PDK3: variants seen among roughly 807,000 people sequenced by gnomAD.
PDK3 encodes pyruvate dehydrogenase kinase 3, also known as pyruvate dehydrogenase kinase, isozyme 3.
Under a neutral mutation model 32.0 loss-of-function variants are expected in PDK3, and 12 were observed. The ratio of observed to expected loss-of-function variants is 0.37; its 90% CI spans 0.24 to 0.61. PDK3 has a LOEUF of 0.61. Ranked by LOEUF, PDK3 falls within the 20% of genes least tolerant of loss-of-function variation. The pLI, the probability that PDK3 is intolerant of heterozygous loss-of-function variation, is 0.65. For synonymous variants in PDK3, 122 were observed against 116.3 expected, an observed-to-expected ratio of 1.05 and a Z score of -0.31; for missense variants, 188 against 316.9, an observed-to-expected ratio of 0.59 and a Z score of 3.09.
intron 9 of PDK3, among the ~76,000 whole-genome samples, chrX:24,529,758 CA>C (rs535951847): frequency 1.2e-3 from 60 of 50,495 alleles, no homozygotes; most frequent in Middle Eastern, 0.02. Context: ...GGCTCTGCCT[CA>C]AAAAAAAAAA....
chrX:24,546,718 T>A (rs1050789092), exon 12 of PDK3: 2 of 111,633 alleles, frequency 1.8e-5, no homozygotes, highest in Non-Finnish European at 3.8e-5. Context: ...TGGTCATCCC[T>A]GGGGGTAGAG....
intron 10 of PDK3, 52 bp downstream of exon 10, chrX:24,531,822 A>C (rs929881267): frequency 8.0e-6 from 5 of 628,331 alleles, no homozygotes; most frequent in Non-Finnish European, 1.1e-5. Context: ...TAAAGCTGTA[A>C]GTTCTAATCG....
chrX:24,483,874 C>T (rs1053348689), intron 1 of PDK3, among the ~76,000 whole-genome samples: 21 of 110,781 alleles, frequency 1.9e-4, no homozygotes, highest in Non-Finnish European at 3.0e-4. Flanking sequence ...CTGCCACATC[C>T]GGCTAATTTG....
chrX:24,467,929 G>A (rs1940078024), intron 1 of PDK3, among the ~76,000 whole-genome samples: 1 of 111,635 alleles, frequency 9.0e-6, no homozygotes, highest in South Asian at 3.7e-4. Flanking sequence ...CAGCTGATTG[G>A]CACCAATTCA....
exon 12 of PDK3, chrX:24,549,937 T>C (rs1923067599): frequency 8.9e-6 from 1 of 112,403 alleles, no homozygotes; most frequent in Non-Finnish European, 1.9e-5. Context: ...GATGCTGCAA[T>C]GAAATGTAAA....
exon 12 of PDK3, among the ~76,000 whole-genome samples, chrX:24,539,993 G>A (rs1350071958): frequency 1.8e-5 from 2 of 111,726 alleles, no homozygotes; most frequent in Non-Finnish European, 3.8e-5. Flanking sequence ...TTCCTTTGTA[G>A]TCTTCTAAGG....
intron 1 of PDK3, among the ~76,000 whole-genome samples, chrX:24,485,657 A>G (rs918782733): frequency 2.7e-5 from 3 of 111,983 alleles, no homozygotes; most frequent in Non-Finnish European, 5.6e-5. Context: ...AGTTATCCCT[A>G]TCGGCAAGGT....
At chrX:24,482,571 T>C (rs1383033583) in intron 1 of PDK3, among the ~76,000 whole-genome samples, 1 of 112,083 alleles carries the variant, frequency 8.9e-6, no homozygotes, top group Non-Finnish European at 1.9e-5. Context: ...ATAGCAAATA[T>C]AGTCTCTATT....
At chrX:24,476,500 G>T (rs760206248) in intron 1 of PDK3, among the ~76,000 whole-genome samples, 13 of 111,360 alleles carry the variant, frequency 1.2e-4, no homozygotes, top group African/African-American at 4.2e-4. Flanking sequence ...TGATATCCAA[G>T]GGTGTCCAGG....
intron 6 of PDK3, among the ~76,000 whole-genome samples, chrX:24,525,502 T>C (rs1272245577): frequency 8.9e-6 from 1 of 112,344 alleles, no homozygotes; most frequent in Non-Finnish European, 1.9e-5. Context: ...TCATGTAGTT[T>C]CAATCTCTTA....
exon 12 of PDK3, chrX:24,549,161 A>T (rs1357903538): frequency 9.0e-6 from 1 of 111,541 alleles, no homozygotes; most frequent in Non-Finnish European, 1.9e-5. Context: ...ACTGCCTGCC[A>T]CCGAAGAGGG....
chrX:24,479,740 G>A (rs10127177), intron 1 of PDK3, among the ~76,000 whole-genome samples: 108 of 110,109 alleles, frequency 9.8e-4, no homozygotes, highest in African/African-American at 1.6e-3. Flanking sequence ...AACCGAGGTC[G>A]CGCCACTGCA....
intron 5 of PDK3, among the ~76,000 whole-genome samples, chrX:24,515,701 A>G (rs913553006): frequency 2.7e-5 from 3 of 112,069 alleles, no homozygotes; most frequent in African/African-American, 9.7e-5. Context: ...GTGAGTCTTG[A>G]TTTCTCTTCT....
Position 24,496,771 on chromosome X carries a change from C to CTTTTT in PDK3, c.248+1912_248+1916dup, listed in dbSNP as rs376346872. Among the ~76,000 whole-genome samples, 19 of 35,407 alleles carry CTTTTT rather than the reference C, an allele frequency of 5.4e-4. 1 individual carries two copies. Among genetic ancestry groups the CTTTTT allele is most frequent in the Admixed American group, 1.8e-3 (5 of 2,762 alleles). The allele number at this position is 35,407 out of a possible 115,157, so 30.7% of individuals were successfully genotyped here. A position where few individuals can be genotyped will look rare whatever the true frequency, so the allele number is the denominator to read the frequency against. On this transcript the variant is annotated intron_variant, in intron 2 of 10. Transcript: ENST00000379162. ...GTCAGGCTGGGAACCTCAAAATAAT[C>CTTTTT]TTTTTTTTTTTTTTTTTTTTTTTTT...
chrX:24,492,165 C>T (rs972100067), intron 1 of PDK3, among the ~76,000 whole-genome samples: 4 of 112,353 alleles, frequency 3.6e-5, no homozygotes, highest in Admixed American at 1.9e-4. Context: ...TAAATATCAG[C>T]AATTTTATTG....
chrX:24,477,353 G>A (rs968971774), intron 1 of PDK3, among the ~76,000 whole-genome samples: 1 of 111,757 alleles, frequency 8.9e-6, no homozygotes, highest in Non-Finnish European at 1.9e-5. Flanking sequence ...AGAATCTGAA[G>A]TTTTTATCAT....
intron 8 of PDK3, 140 bp downstream of exon 8, chrX:24,527,815 T>C (rs1922560216): frequency 2.1e-6 from 1 of 480,430 alleles, no homozygotes; most frequent in East Asian, 3.7e-5. Flanking sequence ...TTGGCTTAAG[T>C]TACCTTATTT....
chrX:24,497,911 G>A (rs928352829), intron 2 of PDK3, among the ~76,000 whole-genome samples: 1 of 112,219 alleles, frequency 8.9e-6, no homozygotes, highest in Non-Finnish European at 1.9e-5. Flanking sequence ...GGATATAGCT[G>A]CTGCACTAAT....
At chrX:24,524,955 G>A (rs1033142816) in intron 6 of PDK3, among the ~76,000 whole-genome samples, 1 of 111,420 alleles carries the variant, frequency 9.0e-6, no homozygotes, top group East Asian at 2.8e-4. Flanking sequence ...TCGGGAGTTC[G>A]AGACCAGCCT....
Sources: gnomAD v4.1 joint callset for allele counts (sites outside exome capture counted in the v4.1 genomes callset) on GRCh38, gnomAD v4.1.1 for gene constraint, MANE v1.5 for transcripts, NCBI Gene and HGNC (gene_info 2026-07-23, HGNC 2026-07-21) for gene names.